NSUN3: variants seen among roughly 807,000 people sequenced by gnomAD.
NSUN3 encodes the protein NOP2/Sun RNA methyltransferase 3, also known as tRNA (cytosine(34)-C(5))-methyltransferase, mitochondrial.
In NSUN3, 24 loss-of-function variants were observed where a neutral mutation model predicts 36.8. The observed-to-expected ratio is 0.65, with a 90% CI of 0.47 to 0.92. The LOEUF is 0.92. Among genes scored for constraint, NSUN3 ranks in the 40% least tolerant of loss-of-function variants. The pLI, the probability that NSUN3 is intolerant of heterozygous loss-of-function variation, is 0.00. For missense variants in NSUN3, 381 were observed against 392.8 expected (o/e 0.97, Z 0.25); for synonymous variants, 146 against 145.2 (o/e 1.01, Z -0.04).
intron 5 of NSUN3, among the ~76,000 whole-genome samples, chr3:94,114,259 A>G (rs1282108749): frequency 6.6e-6 from 1 of 152,174 alleles, no homozygotes; most frequent in African/African-American, 2.4e-5. Context: ...AGCTTGAGGT[A>G]AAAGCTTGAG....
At chr3:94,099,365 G>A (rs1303860001) in intron 5 of NSUN3, among the ~76,000 whole-genome samples, 1 of 152,072 alleles carries the variant, frequency 6.6e-6, no homozygotes, top group Non-Finnish European at 1.5e-5. Context: ...CTCTTCTGTA[G>A]TGGCCACTCC....
chr3:94,066,611 T>G (rs150684268), intron 2 of NSUN3, among the ~76,000 whole-genome samples: 2 of 152,324 alleles, frequency 1.3e-5, no homozygotes, highest in African/African-American at 4.8e-5. Flanking sequence ...GAGTTTACCC[T>G]GGTTCAATTC....
intron 5 of NSUN3, among the ~76,000 whole-genome samples, chr3:94,124,739 A>T (rs1457337990): frequency 1.3e-5 from 2 of 152,218 alleles, no homozygotes; most frequent in Non-Finnish European, 1.5e-5. Context: ...TTGCAGGGAC[A>T]CAGTTTAATT....
At chr3:94,091,003 T>C (rs2077312535) in intron 3 of NSUN3, among the ~76,000 whole-genome samples, 1 of 152,200 alleles carries the variant, frequency 6.6e-6, no homozygotes, top group East Asian at 1.9e-4. Context: ...TGTCTTCAAC[T>C]TTGATGCCGT....
chr3:94,119,869 GT>G (rs1339996985), intron 5 of NSUN3, among the ~76,000 whole-genome samples: 10 of 152,226 alleles, frequency 6.6e-5, no homozygotes, highest in Non-Finnish European at 2.9e-5. Flanking sequence ...AACCCAATTT[GT>G]TTTAAAAAGG....
intron 2 of NSUN3, chr3:94,076,200 T>C (rs183673423): frequency 8.6e-6 from 8 of 929,510 alleles, no homozygotes; most frequent in African/African-American, 8.1e-5. Context: ...ATAGTCTCAC[T>C]GTGAGGTGAC....
At chr3:94,098,442 C>A (rs780037592) in intron 5 of NSUN3, among the ~76,000 whole-genome samples, 2 of 152,168 alleles carry the variant, frequency 1.3e-5, no homozygotes, top group Non-Finnish European at 2.9e-5. Context: ...GGAAATCCTA[C>A]AGTGGTTCCC....
In NSUN3 at chr3:94,095,069, TGGTTGTTTTCTTCTGACTCTCAGAA is replaced by T; in HGVS notation, c.661_685del (p.Leu221HisfsTer5). The T allele has an allele frequency of 1.2e-6, 2 of 1,613,942 alleles. No individual in the cohort carries two copies. Among genetic ancestry groups the T allele is most frequent in the African/African-American group, 1.3e-5 (1 of 74,920 alleles). Reference sequence around the variant, plus strand: ...TGCTCCGTGTTCAAATGATCGAAGCTGGTTGTTTTCTTCTGACTCTCAGAAGGCATCCTGTAGGATAAGTCAAAGG... The same window carrying T: ...TGCTCCGTGTTCAAATGATCGAAGCTGGCATCCTGTAGGATAAGTCAAAGG... On this transcript the variant is annotated frameshift_variant, in exon 5 of 6. Transcript: ENST00000314622. LOFTEE classifies it high-confidence loss of function.
chr3:94,126,248 G>C lies in NSUN3; in HGVS notation c.781G>C (p.Val261Leu). The change falls in exon 6 of 6, where the codon GTA (valine) becomes CTA (leucine). Residue 261 changes from valine to leucine, a missense_variant. By Grantham distance (32) the Val-to-Leu change is conservative. Transcript: ENST00000314622. ...IKALRPGGIL[V>L]YSTCTLSKAE... is the part of the protein sequence containing the mutation. ...GGCCTTACGTCCTGGAGGGATACTT[G>C]TATACTCTACATGCACGCTTTCCAA... The C allele has an allele frequency of 6.2e-7, 1 of 1,614,072 alleles. No individual in the cohort carries two copies. The highest frequency in any genetic ancestry group is 8.5e-7 in the Non-Finnish European group (1 of 1,179,998).
intron 1 of NSUN3, 195 bp downstream of exon 1, chr3:94,063,333 G>A (rs2077189566): frequency 1.6e-6 from 1 of 614,794 alleles, no homozygotes; most frequent in Admixed American, 2.8e-5. Flanking sequence ...CTTCCGTCCA[G>A]CTCGCAGACT....
At chr3:94,096,498 G>T in intron 5 of NSUN3, among the ~76,000 whole-genome samples, 1 of 128,458 alleles carries the variant, frequency 7.8e-6, no homozygotes, top group East Asian at 2.3e-4. Flanking sequence ...TTTTTTGTGT[G>T]TTTGTTTGTT....
At chr3:94,108,030 T>G (rs1156460454) in intron 5 of NSUN3, among the ~76,000 whole-genome samples, 2 of 149,542 alleles carry the variant, frequency 1.3e-5, no homozygotes, top group East Asian at 4.0e-4. Context: ...CCATTTGTTC[T>G]ATAACATAAA....
At chr3:94,081,174 C>A (rs1004531034) in intron 2 of NSUN3, among the ~76,000 whole-genome samples, 3 of 152,156 alleles carry the variant, frequency 2.0e-5, no homozygotes, top group Non-Finnish European at 4.4e-5. Flanking sequence ...AATTCCCCAA[C>A]CCCTTGCACT....
intron 5 of NSUN3, among the ~76,000 whole-genome samples, chr3:94,114,476 A>G (rs2077431506): frequency 6.6e-6 from 1 of 152,236 alleles, no homozygotes; most frequent in Non-Finnish European, 1.5e-5. Context: ...AACATAAGGT[A>G]GTATTAATTA....
At position 94,130,324 on chromosome 3, in the gene NSUN3, C is replaced by G. The variant is rs561225780; in HGVS notation, c.*3834C>G. Among the ~76,000 whole-genome samples, 9 of 152,252 alleles carry G rather than the reference C, an allele frequency of 5.9e-5. No homozygotes were observed. In the South Asian group the frequency reaches 1.2e-3, roughly 21 times the overall value. Reference sequence around the variant, plus strand: ...CATCCTAGTAATAGCAGACCCTGCACAAAGTGGATATCAGAGTTAATACTG... The same window carrying G: ...CATCCTAGTAATAGCAGACCCTGCAGAAAGTGGATATCAGAGTTAATACTG... On this transcript the variant is annotated 3_prime_UTR_variant, in exon 6 of 6. Transcript: ENST00000314622.
At chr3:94,117,599 A>G (rs2077445843) in intron 5 of NSUN3, among the ~76,000 whole-genome samples, 2 of 152,224 alleles carry the variant, frequency 1.3e-5, no homozygotes, top group South Asian at 4.1e-4. Context: ...GGAAAGTTGT[A>G]TACCTGATAT....
intron 5 of NSUN3, among the ~76,000 whole-genome samples, chr3:94,101,608 A>G (rs1417433480): frequency 6.6e-6 from 1 of 152,172 alleles, no homozygotes; most frequent in East Asian, 1.9e-4. Flanking sequence ...ATCTGTCCCA[A>G]AGCTATTTTC....
chr3:94,093,863 A>C (rs1262108087), intron 3 of NSUN3, among the ~76,000 whole-genome samples: 1 of 152,168 alleles, frequency 6.6e-6, no homozygotes, highest in African/African-American at 2.4e-5. Context: ...CCTCTAATAA[A>C]ATTAAACTTG....
At chr3:94,073,109 A>G (rs2077232497) in intron 2 of NSUN3, among the ~76,000 whole-genome samples, 1 of 152,122 alleles carries the variant, frequency 6.6e-6, no homozygotes, top group Non-Finnish European at 1.5e-5. Context: ...AGCTTCATCC[A>G]TGTCCCCGCG....
Sources: gnomAD v4.1 joint callset for allele counts (sites outside exome capture counted in the v4.1 genomes callset) on GRCh38, gnomAD v4.1.1 for gene constraint, MANE v1.5 for transcripts, NCBI Gene and HGNC (gene_info 2026-07-23, HGNC 2026-07-21) for gene names.